BBS9: variants seen among roughly 807,000 people sequenced by gnomAD.
BBS9 encodes Bardet-Biedl syndrome 9, also known as protein PTHB1.
Under a neutral mutation model 117.7 loss-of-function variants are expected in BBS9, and 89 were observed. That is an observed-to-expected ratio of 0.76 (90% CI 0.64 to 0.90). BBS9 has a LOEUF of 0.90. BBS9 is among the 40% of genes least tolerant of loss of function. BBS9 has a pLI of 0.00. For synonymous variants in BBS9, 379 were observed against 370.9 expected (o/e 1.02, Z -0.25); for missense variants, 982 against 1,042.2 (o/e 0.94, Z 0.80).
intron 7 of BBS9, among the ~76,000 whole-genome samples, chr7:33,266,897 T>A (rs535161046): frequency 6.6e-5 from 10 of 152,136 alleles, no homozygotes; most frequent in African/African-American, 2.4e-4. Flanking sequence ...CATGTATCAC[T>A]ATGTCCAGCT....
chr7:33,214,858 A>C (rs974261675), intron 5 of BBS9, among the ~76,000 whole-genome samples: 2 of 152,226 alleles, frequency 1.3e-5, no homozygotes, highest in Non-Finnish European at 2.9e-5. Flanking sequence ...ATTTATATGG[A>C]ACTACAAAAG....
At chr7:33,525,837 C>T (rs202025110) in intron 20 of BBS9, among the ~76,000 whole-genome samples, 34,922 of 146,448 alleles carry the variant, frequency 0.24, 4,729 homozygotes, top group East Asian at 0.43. Context: ...CAGTTTCTTC[C>T]TAGTCTCGAT....
chr7:33,458,262 A>AT, intron 19 of BBS9, among the ~76,000 whole-genome samples: 1 of 152,176 alleles, frequency 6.6e-6, no homozygotes, highest in East Asian at 1.9e-4. Context: ...TAAAAAGTTG[A>AT]TTTTTTGAAT....
intron 9 of BBS9, among the ~76,000 whole-genome samples, chr7:33,289,763 G>T (rs375270075): frequency 2.6e-5 from 4 of 152,092 alleles, no homozygotes; most frequent in Non-Finnish European, 5.9e-5. Context: ...TTTTCTTGGG[G>T]CCAGGTGTGG....
intron 9 of BBS9, chr7:33,276,807 G>T (rs555257176): frequency 6.9e-4 from 105 of 152,922 alleles, no homozygotes; most frequent in Middle Eastern, 3.2e-3. Context: ...ATACTTCCTT[G>T]CCACGTGAGC....
chr7:33,426,606 CCTT>C (rs1373857594), intron 19 of BBS9, among the ~76,000 whole-genome samples: 4 of 152,020 alleles, frequency 2.6e-5, no homozygotes, highest in South Asian at 4.2e-4. Context: ...CATTCTGTGT[CCTT>C]CTGCTGGGGA....
At chr7:33,221,908 TAC>T (rs35927295) in intron 5 of BBS9, among the ~76,000 whole-genome samples, 22,736 of 151,646 alleles carry the variant, frequency 0.15, 1,971 homozygotes, top group South Asian at 0.23. Context: ...TATATATATA[TAC>T]ACACACACAC....
chr7:33,478,960 T>C (rs1842165092), intron 19 of BBS9, among the ~76,000 whole-genome samples: 1 of 152,104 alleles, frequency 6.6e-6, no homozygotes, highest in Non-Finnish European at 1.5e-5. Context: ...TAATGTTACT[T>C]TACTGTTCAT....
At chr7:33,553,515 G>A (rs1195171743) in intron 21 of BBS9, among the ~76,000 whole-genome samples, 1 of 151,896 alleles carries the variant, frequency 6.6e-6, no homozygotes, top group Non-Finnish European at 1.5e-5. Flanking sequence ...TTCCAGTAAT[G>A]CCCTCTGACT....
intron 5 of BBS9, among the ~76,000 whole-genome samples, chr7:33,182,326 T>G (rs1161632958): frequency 6.6e-6 from 1 of 152,190 alleles, no homozygotes; most frequent in African/African-American, 2.4e-5. Context: ...ATTTTAATTA[T>G]GTACTAGGTG....
chr7:33,592,057 A>G (rs1459080327), intron 21 of BBS9, among the ~76,000 whole-genome samples: 3 of 152,108 alleles, frequency 2.0e-5, no homozygotes, highest in African/African-American at 7.2e-5. Context: ...GAGTTCAGCT[A>G]TGAACATTCC....
At chr7:33,306,309 A>T (rs995250828) in intron 9 of BBS9, among the ~76,000 whole-genome samples, 1 of 152,010 alleles carries the variant, frequency 6.6e-6, no homozygotes, top group African/African-American at 2.4e-5. Flanking sequence ...TTTGTGACTT[A>T]ACATATAGAT....
In BBS9 at chr7:33,215,089, G is replaced by A. The variant is rs986415287; in HGVS notation, c.442+37498G>A. 3.3e-5 allele frequency among the ~76,000 whole-genome samples: 5 copies of A among 152,208 alleles called. 1 individual carries two copies. The highest frequency in any genetic ancestry group is 6.3e-3 in the Middle Eastern group (2 of 316). Reference sequence around the variant, plus strand: ...TACCTGTAGTCCCAGCTACTCGGGAGGCTGAGGCAGGAGAATGGTGTGAAC... The same window carrying A: ...TACCTGTAGTCCCAGCTACTCGGGAAGCTGAGGCAGGAGAATGGTGTGAAC... On this transcript the variant is annotated intron_variant, in intron 5 of 22. Coordinates refer to ENST00000242067, the MANE Select transcript of BBS9 (RefSeq NM_198428.3).
downstream of BBS9, among the ~76,000 whole-genome samples, chr7:33,608,797 A>C (rs192515929): frequency 9.9e-4 from 151 of 152,176 alleles, 1 homozygote; most frequent in Middle Eastern, 0.01. Flanking sequence ...ATTTTCTCCT[A>C]TTCAATGGGT....
At chr7:33,537,224 A>G (rs1851585304) in intron 21 of BBS9, among the ~76,000 whole-genome samples, 1 of 152,040 alleles carries the variant, frequency 6.6e-6, no homozygotes, top group African/African-American at 2.4e-5. Flanking sequence ...AGAATAAAAA[A>G]CCTTTGGTCT....
At chr7:33,178,380 G>T (rs1202915253) in intron 5 of BBS9, among the ~76,000 whole-genome samples, 1 of 152,188 alleles carries the variant, frequency 6.6e-6, no homozygotes, top group African/African-American at 2.4e-5. Flanking sequence ...TAGCACAAAG[G>T]CCACCTTCAT....
chr7:33,313,615 A>G (rs1001329608), intron 9 of BBS9, among the ~76,000 whole-genome samples: 4 of 152,164 alleles, frequency 2.6e-5, no homozygotes, highest in Non-Finnish European at 4.4e-5. Flanking sequence ...TCTCCCTTCT[A>G]TAACCTCTGT....
intron 20 of BBS9, among the ~76,000 whole-genome samples, chr7:33,510,379 T>C (rs185295414): frequency 6.6e-6 from 1 of 152,088 alleles, no homozygotes; most frequent in East Asian, 2.0e-4. Context: ...CTGGTTTGAG[T>C]CTGAGAGAGT....
chr7:33,572,370 C>G (rs913857082), intron 21 of BBS9, among the ~76,000 whole-genome samples: 3 of 152,118 alleles, frequency 2.0e-5, no homozygotes, highest in Admixed American at 6.6e-5. Context: ...GATTACATAT[C>G]TTGCCTAGTG....
Sources: allele counts gnomAD v4.1 joint callset (sites outside exome capture counted in the v4.1 genomes callset), GRCh38; gene constraint gnomAD v4.1.1; transcripts MANE v1.5; gene names NCBI Gene and HGNC (gene_info 2026-07-23, HGNC 2026-07-21).